The following RARB variants were observed in gnomAD, a reference collection of about 807,000 sequenced individuals.
RARB encodes the protein HBV-activated protein.
RARB carries 17 observed loss-of-function variants against 51.9 expected under a neutral mutation model. The observed-to-expected ratio is 0.33, with a 90% CI of 0.22 to 0.49. RARB has a LOEUF of 0.49. Among genes scored for constraint, RARB ranks in the 20% least tolerant of loss-of-function variants. RARB has a pLI of 0.99. For synonymous variants in RARB, 215 were observed against 195.4 expected, an observed-to-expected ratio of 1.10 and a Z score of -0.84; for missense variants, 369 against 550.8, an observed-to-expected ratio of 0.67 and a Z score of 3.30.
rs183845840 is a variant in RARB at position 25,014,056 on chromosome 3, G to T, written c.-379-46069G>T. On this transcript the variant is annotated intron_variant, in intron 2 of 11. Coordinates refer to the RARB transcript ENST00000383772. The stretch of plus-strand genomic sequence containing the variant: ...TCTCTACTCATGTGACAAGATGAGA[G>T]CCAGAAACTCAAAACTTACCTCCTT... Among the ~76,000 whole-genome samples the T allele has an allele frequency of 3.2e-4, 49 of 152,170 alleles. 1 individual carries two copies. The East Asian group carries it at 8.9e-3, about 28-fold the overall frequency.
intron 5 of RARB, among the ~76,000 whole-genome samples, chr3:25,404,004 G>A (rs9862485): frequency 1.1e-3 from 166 of 148,718 alleles, no homozygotes; most frequent in African/African-American, 3.9e-3. Context: ...TTCTGGACAA[G>A]ATCCACCTGG....
rs188434313 is a variant in RARB, at chr3:25,001,073, A to C, written c.-379-59052A>C. On this transcript the variant is annotated intron_variant, in intron 2 of 11. Coordinates refer to the RARB transcript ENST00000383772. The stretch of plus-strand genomic sequence containing the variant: ...AGTAGTTCCTACAGTCTCAGTGGCC[A>C]TACTGTAATGCTGTGTCAAATGTTG... 1.9e-3 allele frequency among the ~76,000 whole-genome samples: 287 copies of C among 152,230 alleles called. 2 individuals are homozygous for C. Among genetic ancestry groups the C allele is most frequent in the Non-Finnish European group, 2.4e-3 (166 of 68,004 alleles).
intron 5 of RARB, among the ~76,000 whole-genome samples, chr3:25,355,818 C>T (rs2125460273): frequency 6.6e-6 from 1 of 152,206 alleles, no homozygotes; most frequent in East Asian, 1.9e-4. Flanking sequence ...TCCTAAGTCT[C>T]ATAATACATA....
At chr3:25,269,374 G>A (rs776781261) in intron 5 of RARB, among the ~76,000 whole-genome samples, 3 of 152,148 alleles carry the variant, frequency 2.0e-5, no homozygotes, top group Non-Finnish European at 2.9e-5. Context: ...TCATTGAGAG[G>A]TAGGAACGTG....
chr3:25,548,076 A>G (rs1169081107), intron 3 of RARB, among the ~76,000 whole-genome samples: 1 of 143,122 alleles, frequency 7.0e-6, no homozygotes, highest in Admixed American at 6.9e-5. Context: ...TGTAAAATAT[A>G]TTGTCATTTC....
At chr3:25,463,682 A>G (rs1695299421) in intron 2 of RARB, among the ~76,000 whole-genome samples, 1 of 151,968 alleles carries the variant, frequency 6.6e-6, no homozygotes, top group Non-Finnish European at 1.5e-5. Flanking sequence ...AAAAGATTGT[A>G]CAAATGCGTA....
chr3:25,387,739 G>A (rs151238094), intron 5 of RARB, among the ~76,000 whole-genome samples: 166 of 152,144 alleles, frequency 1.1e-3, no homozygotes, highest in African/African-American at 3.8e-3. Context: ...TCTCACTTCA[G>A]CAATGTCTTT....
chr3:25,441,223 C>T (rs1362362151), intron 1 of RARB: 3 of 349,742 alleles, frequency 8.6e-6, no homozygotes, highest in Non-Finnish European at 1.7e-5. Context: ...TTAGTGCCCT[C>T]AAAAAGGCCA....
At chr3:25,319,487 G>A (rs1704510145) in intron 5 of RARB, among the ~76,000 whole-genome samples, 1 of 152,092 alleles carries the variant, frequency 6.6e-6, no homozygotes, top group South Asian at 2.1e-4. Flanking sequence ...TCAACACATT[G>A]TTAGTTTATG....
At position 24,887,293 on chromosome 3, in the gene RARB, A is replaced by G. The variant is rs146425406; in HGVS notation, c.-380+28541A>G. On this transcript the variant is annotated intron_variant, in intron 2 of 11. Transcript: ENST00000383772. ...AATAGAAAATAATTTTCTATAAGCTATCCTCTCAATGAAAGATTTATATCT... is the reference window on the plus strand; with the variant it reads ...AATAGAAAATAATTTTCTATAAGCTGTCCTCTCAATGAAAGATTTATATCT... Among the ~76,000 whole-genome samples, 587 of 152,360 alleles carry G rather than the reference A, an allele frequency of 3.9e-3. 3 individuals are homozygous for G. The highest frequency in any genetic ancestry group is 0.014 in the African/African-American group (564 of 41,582).
intron 2 of RARB, among the ~76,000 whole-genome samples, chr3:24,870,658 C>G (rs1245797770): frequency 1.3e-5 from 2 of 152,042 alleles, no homozygotes; most frequent in African/African-American, 4.8e-5. Context: ...TTCTTGTTCT[C>G]TCTCACTCAT....
At chr3:25,030,946 G>C (rs983491206) in intron 2 of RARB, among the ~76,000 whole-genome samples, 37 of 152,186 alleles carry the variant, frequency 2.4e-4, no homozygotes, top group African/African-American at 8.4e-4. Flanking sequence ...TCATCCCCAG[G>C]TATTTACTCT....
At chr3:25,191,754 C>T (rs1380402455) in intron 5 of RARB, among the ~76,000 whole-genome samples, 1 of 152,050 alleles carries the variant, frequency 6.6e-6, no homozygotes, top group East Asian at 1.9e-4. Context: ...AATTATACTC[C>T]CTCAGTGGAG....
rs142292140 is a variant in RARB at position 25,511,071 on chromosome 3, C to G, written c.448+9748C>G. ...TTCACAATTGAGCATGGCTTTGTTC[C>G]AATAAAACTTTACAAACACAGTCAC... On this transcript the variant is annotated intron_variant, in intron 3 of 7. Transcript: ENST00000330688. 2.0e-5 allele frequency among the ~76,000 whole-genome samples: 3 copies of G among 152,264 alleles called. No homozygotes were observed. The East Asian group carries it at 5.8e-4, about 29-fold the overall frequency.
intron 5 of RARB, among the ~76,000 whole-genome samples, chr3:25,221,845 T>G (rs1488207869): frequency 1.3e-5 from 2 of 152,206 alleles, no homozygotes; most frequent in African/African-American, 2.4e-5. Flanking sequence ...ATCTTGAGAC[T>G]GTGCATCCTG....
At chr3:25,237,416 A>G (rs894116276) in intron 5 of RARB, among the ~76,000 whole-genome samples, 3 of 151,580 alleles carry the variant, frequency 2.0e-5, no homozygotes, top group African/African-American at 7.3e-5. Context: ...TCAATATTCT[A>G]AATGCCATAT....
intron 5 of RARB, among the ~76,000 whole-genome samples, chr3:25,280,431 G>A (rs1703495520): frequency 6.6e-6 from 1 of 152,118 alleles, no homozygotes; most frequent in South Asian, 2.1e-4. Context: ...ATTTGGGGTA[G>A]CATGTCCTGA....
In RARB at chr3:25,250,013, A is replaced by G. The variant is rs140625766; in HGVS notation, c.178+75438A>G. On this transcript the variant is annotated intron_variant, in intron 5 of 11. Transcript: ENST00000383772. Reference sequence around the variant, plus strand: ...TGGGAAGATCTTCAGGCCCCTGGGCATCAGAAATTGCTTGATTAATGGCAG... The same window carrying G: ...TGGGAAGATCTTCAGGCCCCTGGGCGTCAGAAATTGCTTGATTAATGGCAG... 4.2e-3 allele frequency among the ~76,000 whole-genome samples: 637 copies of G among 152,232 alleles called. 9 individuals are homozygous for G. The highest frequency in any genetic ancestry group is 0.014 in the African/African-American group (587 of 41,546).
chr3:25,282,845 G>A (rs909064623), intron 5 of RARB, among the ~76,000 whole-genome samples: 11 of 152,156 alleles, frequency 7.2e-5, no homozygotes, highest in African/African-American at 2.4e-4. Context: ...TTGGATACCC[G>A]ATGGCTTCTG....
Sources: allele counts gnomAD v4.1 joint callset (sites outside exome capture counted in the v4.1 genomes callset), GRCh38; gene constraint gnomAD v4.1.1; transcripts MANE v1.5; gene names NCBI Gene and HGNC (gene_info 2026-07-23, HGNC 2026-07-21).